HOXB3: variants seen among roughly 807,000 people sequenced by gnomAD.
HOXB3 encodes homeobox B3.
HOXB3 carries 17 observed loss-of-function variants against 29.2 expected under a neutral mutation model. The observed-to-expected ratio is 0.58, with a 90% confidence interval of 0.40 to 0.87. HOXB3 has a LOEUF of 0.87. Ranked by LOEUF, HOXB3 falls within the 40% of genes least tolerant of loss-of-function variation. The pLI, the probability that HOXB3 is intolerant of heterozygous loss-of-function variation, is 0.00. For synonymous variants in HOXB3, 317 were observed against 285.9 expected (o/e 1.11, Z -1.10); for missense variants, 637 against 616.3 (o/e 1.03, Z -0.35).
chr17:48,576,717 G>A (rs1232181020), intron 1 of HOXB3: 3 of 1,593,178 alleles, frequency 1.9e-6, no homozygotes, highest in African/African-American at 1.3e-5. Context: ...CCGCGTGCGG[G>A]GGCACTAGAG....
At chr17:48,568,652 G>GC (rs1567957735) in intron 2 of HOXB3, among the ~76,000 whole-genome samples, 3 of 151,524 alleles carry the variant, frequency 2.0e-5, no homozygotes, top group African/African-American at 4.9e-5. Context: ...CACACGCGCG[G>GC]ACACACACAC....
chr17:48,554,896 G>T lies in HOXB3; in HGVS notation c.-159+635C>A. The T allele has an allele frequency of 1.4e-6, 1 of 692,352 alleles. No individual in the cohort carries two copies. Among genetic ancestry groups the T allele is most frequent in the South Asian group, 1.5e-5 (1 of 67,136 alleles). 42.9% of individuals were successfully genotyped at this position (692,352 alleles called of 1,614,324 possible). On this transcript the variant is annotated intron_variant, in intron 3 of 4. Coordinates refer to ENST00000498678, the MANE Select transcript of HOXB3 (RefSeq NM_001384749.1). This position sits in a 1 kb window ranked among gnomAD's most constrained non-coding sequence, Gnocchi z 4.1. ...GGTGCTAAGGGGACCCAAGATCTGG[G>T]ATCCAGAACAAGAGGGGGTGGGGAA...
At chr17:48,582,650 T>C (rs2069972072) in intron 1 of HOXB3, 1 of 152,172 alleles carries the variant, frequency 6.6e-6, no homozygotes, top group Non-Finnish European at 1.5e-5. Context: ...CGCTGGGTCA[T>C]ATTGAATTTT....
chr17:48,568,786 G>A (rs928301160), intron 2 of HOXB3, among the ~76,000 whole-genome samples: 23 of 151,976 alleles, frequency 1.5e-4, no homozygotes, highest in Non-Finnish European at 2.9e-4. Flanking sequence ...GAGAAAAGAA[G>A]AATATTCCTA....
chr17:48,573,581 T>G (rs1240290437), intron 2 of HOXB3, among the ~76,000 whole-genome samples: 1 of 151,376 alleles, frequency 6.6e-6, no homozygotes, highest in Non-Finnish European at 1.5e-5. Flanking sequence ...TTCTCTGGGG[T>G]TTTTCATGGG....
At position 48,550,339 on chromosome 17, in the gene HOXB3, GGT is replaced by G; in HGVS notation, c.1289_1290del (p.His430ProfsTer29). On this transcript the variant is annotated frameshift_variant, in exon 5 of 5. Transcript: ENST00000498678. LOFTEE classifies it high-confidence loss of function. ...TCCTCGTTCGCCCTTTCCCATCACAGGTGTGTTAATTTGGGCGCTTCTTGGAT... is the reference window on the plus strand; with the variant it reads ...TCCTCGTTCGCCCTTTCCCATCACAGGTGTTAATTTGGGCGCTTCTTGGAT... ...GRIQEAPKLT[H>X]L The G allele has an allele frequency of 1.2e-6, 2 of 1,613,966 alleles. No homozygotes were observed. The highest frequency in any genetic ancestry group is 1.3e-5 in the African/African-American group (1 of 75,030).
In HOXB3 at chr17:48,554,690, G is replaced by A; in HGVS notation, c.-159+841C>T. 1.4e-6 allele frequency: 1 copy of A among 702,358 alleles called. No homozygotes were observed. Among genetic ancestry groups the A allele is most frequent in the Middle Eastern group, 2.3e-4 (1 of 4,362 alleles). The allele number at this position is 702,358 out of a possible 1,614,324, so 43.5% of individuals were successfully genotyped here. A position where few individuals can be genotyped will look rare whatever the true frequency, so the allele number is the denominator to read the frequency against. On this transcript the variant is annotated intron_variant, in intron 3 of 4. Transcript: ENST00000498678. This position sits in a 1 kb window ranked among gnomAD's most constrained non-coding sequence, Gnocchi z 4.1. The stretch of plus-strand genomic sequence containing the variant: ...TCAGGACACCAAAACGGTTATCGGA[G>A]GCAGGTTCCCAGCACACCAGCCGGC...
chr17:48,565,966 T>G (rs547564485), intron 2 of HOXB3, among the ~76,000 whole-genome samples: 1 of 152,316 alleles, frequency 6.6e-6, no homozygotes, highest in South Asian at 2.1e-4. Context: ...CATCTTTCTA[T>G]CCAATTCCTC....
At chr17:48,571,056 G>A (rs1177094118) in intron 2 of HOXB3, among the ~76,000 whole-genome samples, 2 of 152,174 alleles carry the variant, frequency 1.3e-5, no homozygotes, top group Non-Finnish European at 2.9e-5. Context: ...TGACACGAAG[G>A]CACGCCAGCA....
chr17:48,589,026 C>A lies in HOXB3; in HGVS notation c.-425+1099G>T, dbSNP rs543085166. ...AGGAGTGACAGGGTAGTTAGCCCCA[C>A]GGGTGTTAAATTGGAGGGGGGTCAA... On this transcript the variant is annotated intron_variant, in intron 1 of 4. Coordinates refer to ENST00000498678, the MANE Select transcript of HOXB3 (RefSeq NM_001384749.1). 2.0e-5 allele frequency among the ~76,000 whole-genome samples: 3 copies of A among 150,370 alleles called. No individual in the cohort carries two copies. In the South Asian group the frequency reaches 6.3e-4, roughly 32 times the overall value.
At chr17:48,578,328 G>A (rs1396181213) in intron 1 of HOXB3, 2 of 1,603,714 alleles carry the variant, frequency 1.2e-6, no homozygotes, top group South Asian at 1.1e-5. Flanking sequence ...ATTAATTTCT[G>A]GGAATTGCCC....
chr17:48,563,469 A>G (rs936714845), intron 2 of HOXB3, among the ~76,000 whole-genome samples: 1 of 152,126 alleles, frequency 6.6e-6, no homozygotes, highest in African/African-American at 2.4e-5. Context: ...CTCACACAAT[A>G]CACAAACATA....
At chr17:48,568,942 G>A (rs926765667) in intron 2 of HOXB3, among the ~76,000 whole-genome samples, 3 of 152,044 alleles carry the variant, frequency 2.0e-5, no homozygotes, top group Non-Finnish European at 4.4e-5. Flanking sequence ...TATAAGACGC[G>A]GTAGGTAGTG....
rs568112177 is a variant in HOXB3, at chr17:48,587,724, C to A, written c.-425+2401G>T. ...AAATATGGGCACTTGGAACTCCAGG[C>A]CCAGCTGGCTTTCCTGTTTACACTT... is the stretch of plus-strand genomic sequence containing the variant. On this transcript the variant is annotated intron_variant, in intron 1 of 4. Transcript: ENST00000498678. Among the ~76,000 whole-genome samples, 120 of 152,306 alleles carry A rather than the reference C, an allele frequency of 7.9e-4. 2 individuals are homozygous for A. The Middle Eastern group carries it at 0.037, about 47-fold the overall frequency.
intron 4 of HOXB3, 76 bp from the exon 5 acceptor site, chr17:48,551,257 G>A: frequency 1.6e-6 from 2 of 1,242,796 alleles, no homozygotes; most frequent in Non-Finnish European, 2.0e-6. Flanking sequence ...GAAATTGAAT[G>A]CATCGTTTCT....
intron 2 of HOXB3, among the ~76,000 whole-genome samples, chr17:48,571,345 T>C (rs2069579613): frequency 6.6e-6 from 1 of 152,156 alleles, no homozygotes; most frequent in South Asian, 2.1e-4. Context: ...CTGCCAGCGC[T>C]GGGGCCGCCT....
At chr17:48,556,088 G>A (rs773740156) in intron 2 of HOXB3, among the ~76,000 whole-genome samples, 57 of 151,668 alleles carry the variant, frequency 3.8e-4, no homozygotes, top group Non-Finnish European at 7.1e-4. Context: ...GGGGAAGGGG[G>A]GAAATTTTAA....
In HOXB3 at chr17:48,552,160, A is replaced by G. The variant is rs1439403581; in HGVS notation, c.315T>C (p.Asn105=). ...APTSATSNSS[N]GGGPSKSGPP... ...GACCACTTTTGCTGGGCCCGCCCCC[A>G]TTACTGCTGTTGCTAGTGGCACTGG... Residue 105 remains asparagine (N), a synonymous_variant, in exon 4 of 5, where the codon AAT becomes AAC. Transcript: ENST00000498678. 4 of 1,613,854 alleles carry G rather than the reference A, an allele frequency of 2.5e-6. No homozygotes were observed. Among genetic ancestry groups the G allele is most frequent in the East Asian group, 4.5e-5 (2 of 44,832 alleles).
In HOXB3 at chr17:48,574,642, A is replaced by T. The variant is rs531992502; in HGVS notation, c.-424-628T>A. Among the ~76,000 whole-genome samples the T allele has an allele frequency of 5.9e-5, 9 of 152,230 alleles. 1 individual carries two copies. The South Asian group carries it at 1.9e-3, about 32-fold the overall frequency. On this transcript the variant is annotated intron_variant, in intron 1 of 4. Coordinates refer to ENST00000498678, the MANE Select transcript of HOXB3 (RefSeq NM_001384749.1). ...ACCCTGGATGACCAATAGACCAGAG[A>T]CCCTGAGGCTGGAGCCCCCAGACCT...
Sources: allele counts gnomAD v4.1 joint callset (sites outside exome capture counted in the v4.1 genomes callset), GRCh38; gene constraint gnomAD v4.1.1; non-coding constraint Gnocchi (gnomAD v3.1); transcripts MANE v1.5; gene names NCBI Gene and HGNC (gene_info 2026-07-23, HGNC 2026-07-21).